The following PACSIN2 variants were observed in gnomAD, a reference collection of about 807,000 sequenced individuals.
PACSIN2 encodes protein kinase C and casein kinase substrate in neurons 2.
PACSIN2 carries 25 observed loss-of-function variants against 63.8 expected under a neutral mutation model. That is an observed-to-expected ratio of 0.39 (90% CI 0.29 to 0.55). PACSIN2 has a LOEUF of 0.55. PACSIN2 is among the 20% of genes least tolerant of loss of function. The pLI is 0.62. For synonymous variants in PACSIN2, 255 were observed against 256.2 expected, an observed-to-expected ratio of 1.00 and a Z score of 0.05; for missense variants, 518 against 646.9, an observed-to-expected ratio of 0.80 and a Z score of 2.16.
At chr22:42,896,720 C>T (rs1930314068) in intron 2 of PACSIN2, among the ~76,000 whole-genome samples, 1 of 152,230 alleles carries the variant, frequency 6.6e-6, no homozygotes, top group Non-Finnish European at 1.5e-5. Context: ...GACAGCTGTG[C>T]ACTGCCATCA....
intron 8 of PACSIN2, 60 bp downstream of exon 8, chr22:42,878,988 G>C: frequency 6.4e-7 from 1 of 1,567,308 alleles, no homozygotes; most frequent in Non-Finnish European, 8.7e-7. Context: ...GGACCATGCA[G>C]ATTGCCCAGG....
At chr22:42,906,413 T>C (rs764172242) in intron 2 of PACSIN2, among the ~76,000 whole-genome samples, 3 of 152,200 alleles carry the variant, frequency 2.0e-5, no homozygotes, top group Non-Finnish European at 2.9e-5. Context: ...TTCTAAACTG[T>C]GAAAACCACC....
intron 1 of PACSIN2, among the ~76,000 whole-genome samples, chr22:42,921,231 C>T (rs532298963): frequency 1.1e-3 from 173 of 152,058 alleles, no homozygotes; most frequent in African/African-American, 4.1e-3. Flanking sequence ...TGGTGGCACA[C>T]GCCTGTAGTT....
chr22:42,887,289 G>A (rs1268332940), intron 5 of PACSIN2, among the ~76,000 whole-genome samples: 3 of 151,628 alleles, frequency 2.0e-5, no homozygotes, highest in Admixed American at 1.3e-4. Flanking sequence ...CTACACCGAC[G>A]GCATAGCAGT....
At chr22:42,990,021 CA>C (rs1387633797) in intron 1 of PACSIN2, among the ~76,000 whole-genome samples, 2 of 23,686 alleles carry the variant, frequency 8.4e-5, no homozygotes, top group Non-Finnish European at 7.1e-5. Context: ...TATATACACA[CA>C]TATGTATATA....
chr22:42,962,775 C>CGGGGCG (rs756766401), intron 1 of PACSIN2, among the ~76,000 whole-genome samples: 4,077 of 16,130 alleles, frequency 0.25, 577 homozygotes, highest in African/African-American at 0.34. Flanking sequence ...AAGGTGTGGG[C>CGGGGCG]GGGGGGGGGG....
intron 2 of PACSIN2, among the ~76,000 whole-genome samples, chr22:42,911,408 A>G (rs1043202272): frequency 8.1e-6 from 1 of 123,930 alleles, no homozygotes; most frequent in East Asian, 2.1e-4. Context: ...CTCAACTGTT[A>G]AAAAAAAAAA....
intron 1 of PACSIN2, among the ~76,000 whole-genome samples, chr22:42,926,054 T>C (rs1932513700): frequency 6.6e-6 from 1 of 152,236 alleles, no homozygotes; most frequent in Non-Finnish European, 1.5e-5. Flanking sequence ...TTAGCAAAGC[T>C]GGGATGTTTT....
intron 1 of PACSIN2, among the ~76,000 whole-genome samples, chr22:42,966,516 T>C (rs1044027010): frequency 6.6e-6 from 1 of 152,168 alleles, no homozygotes; most frequent in Admixed American, 6.5e-5. Context: ...AAGGAGAAAA[T>C]GTTAAAACCC....
intron 1 of PACSIN2, among the ~76,000 whole-genome samples, chr22:42,966,189 G>A (rs1920953805): frequency 6.6e-6 from 1 of 152,150 alleles, no homozygotes; most frequent in East Asian, 1.9e-4. Flanking sequence ...GGCCAAAATG[G>A]TGAAACCCCG....
At chr22:43,003,771 A>C (rs1923919177) in intron 1 of PACSIN2, among the ~76,000 whole-genome samples, 1 of 152,164 alleles carries the variant, frequency 6.6e-6, no homozygotes, top group African/African-American at 2.4e-5. Context: ...TTAACAGCAT[A>C]AGATGCCTTT....
intron 10 of PACSIN2, among the ~76,000 whole-genome samples, chr22:42,872,872 G>A (rs930677232): frequency 1.3e-5 from 2 of 152,266 alleles, no homozygotes; most frequent in African/African-American, 4.8e-5. Flanking sequence ...CCACAGGGCA[G>A]CAGCCACGAT....
intron 2 of PACSIN2, among the ~76,000 whole-genome samples, chr22:42,911,158 C>T (rs551379685): frequency 6.6e-6 from 1 of 152,050 alleles, no homozygotes; most frequent in African/African-American, 2.4e-5. Flanking sequence ...CCCGCCTCGG[C>T]CTCCCAAAGT....
At chr22:42,935,382 C>G (rs1360110755) in intron 1 of PACSIN2, among the ~76,000 whole-genome samples, 2 of 152,140 alleles carry the variant, frequency 1.3e-5, no homozygotes, top group Non-Finnish European at 2.9e-5. Context: ...AGAAGGCTCT[C>G]CTGCACAGAC....
chr22:43,010,149 T>C (rs1924371182), intron 1 of PACSIN2, among the ~76,000 whole-genome samples: 1 of 151,840 alleles, frequency 6.6e-6, no homozygotes, highest in Non-Finnish European at 1.5e-5. Context: ...ATTACAGGTG[T>C]GAGCCACAGC....
chr22:42,920,864 G>A (rs1932146160), intron 1 of PACSIN2, among the ~76,000 whole-genome samples: 1 of 137,148 alleles, frequency 7.3e-6, no homozygotes, highest in Admixed American at 8.0e-5. Context: ...GTGCAGTGGT[G>A]TGATCACAGC....
intron 5 of PACSIN2, among the ~76,000 whole-genome samples, chr22:42,885,514 A>G (rs1280743542): frequency 1.3e-5 from 2 of 152,092 alleles, no homozygotes; most frequent in Non-Finnish European, 2.9e-5. Context: ...CTTCTGAGGA[A>G]GGATGGAGCG....
rs753099403 is a variant in PACSIN2 at position 42,876,153 on chromosome 22, C to T, written c.1332G>A (p.Glu444=). ...LYDYEGQEHD[E]LSFKAGDELT... is the part of the protein sequence containing the mutation. ...CCCACCTACCAGCCTTGAAGCTCAGCTCATCATGCTCCTGCCCCTCATAGT... is the reference window on the plus strand; with the variant it reads ...CCCACCTACCAGCCTTGAAGCTCAGTTCATCATGCTCCTGCCCCTCATAGT... The change falls in exon 10 of 11, where the codon GAG becomes GAA. Residue 444 remains glutamate (E), a synonymous_variant. Coordinates refer to ENST00000263246, the MANE Select transcript of PACSIN2 (RefSeq NM_001184970.3). 4 of 1,612,750 alleles carry T rather than the reference C, an allele frequency of 2.5e-6. No homozygotes were observed. Among genetic ancestry groups the T allele is most frequent in the African/African-American group, 2.7e-5 (2 of 74,930 alleles).
At chr22:43,008,529 G>A (rs1213470831) in intron 1 of PACSIN2, among the ~76,000 whole-genome samples, 3 of 152,226 alleles carry the variant, frequency 2.0e-5, no homozygotes, top group Admixed American at 6.5e-5. Flanking sequence ...AATTACAGGC[G>A]TTAGCCACCA....
Sources: allele counts gnomAD v4.1 joint callset (sites outside exome capture counted in the v4.1 genomes callset), GRCh38; gene constraint gnomAD v4.1.1; transcripts MANE v1.5; gene names NCBI Gene and HGNC (gene_info 2026-07-23, HGNC 2026-07-21).